The following NSD2 variants were observed in gnomAD, a reference collection of about 807,000 sequenced individuals.
The protein encoded by NSD2 is histone-lysine N-methyltransferase NSD2.
In NSD2, 12 loss-of-function variants were observed where a neutral mutation model predicts 139.0. That is an observed-to-expected ratio of 0.09 (90% confidence interval 0.06 to 0.14). The LOEUF (loss-of-function observed/expected upper bound fraction) is 0.14. NSD2 is among the 10% of genes least tolerant of loss of function. NSD2 has a pLI of 1.00. For synonymous variants in NSD2, 669 were observed against 648.7 expected (o/e 1.03, Z -0.48); for missense variants, 1,155 against 1,745.0 (o/e 0.66, Z 6.02).
At position 1,896,083 on chromosome 4, in the gene NSD2, C is replaced by T. The variant is rs116549916; in HGVS notation, c.-29-4543C>T. ...AGGATGAGTGGTAGAGGCTCTTGGC[C>T]GGGGTCCCACAGTGTAGTAAGTGGC... is the stretch of plus-strand genomic sequence containing the variant. On this transcript the variant is annotated intron_variant, in intron 1 of 21. Coordinates refer to ENST00000508803, the MANE Select transcript of NSD2 (RefSeq NM_001042424.3). 4.8e-3 allele frequency among the ~76,000 whole-genome samples: 727 copies of T among 152,332 alleles called. 4 individuals are homozygous for T. The highest frequency in any genetic ancestry group is 0.016 in the African/African-American group (679 of 41,580).
chr4:1,914,348 A>T (rs1719081050), intron 3 of NSD2, among the ~76,000 whole-genome samples: 1 of 150,944 alleles, frequency 6.6e-6, no homozygotes, highest in African/African-American at 2.4e-5. Context: ...TTTTTTTGAG[A>T]TGGAGCCTTG....
At chr4:1,913,710 C>T (rs1022967759) in intron 3 of NSD2, among the ~76,000 whole-genome samples, 2 of 152,126 alleles carry the variant, frequency 1.3e-5, no homozygotes, top group African/African-American at 4.8e-5. Context: ...CTTACCCTGC[C>T]CCCTTGCCTT....
chr4:1,879,815 C>G (rs1560546000), intron 1 of NSD2, among the ~76,000 whole-genome samples: 1 of 149,502 alleles, frequency 6.7e-6, no homozygotes, highest in Non-Finnish European at 1.5e-5. Flanking sequence ...GACCCTGGGC[C>G]CATGGCACTT....
intron 10 of NSD2, 112 bp downstream of exon 10, chr4:1,951,315 T>C (rs1724202587): frequency 2.1e-6 from 3 of 1,399,184 alleles, no homozygotes; most frequent in South Asian, 1.3e-5. Context: ...TTCCCCAATC[T>C]CACCGTCACT....
In NSD2 at chr4:1,942,756, C is replaced by CTT. The variant is rs1560719160; in HGVS notation, c.1881+2979_1881+2980dup. 9 of 1,084,856 alleles carry CTT rather than the reference C, an allele frequency of 8.3e-6. No individual in the cohort carries two copies. The Admixed American group carries it at 4.3e-4, about 51-fold the overall frequency. The allele number at this position is 1,084,856 out of a possible 1,614,324, so 67.2% of individuals were successfully genotyped here. ...GAGTTGCTTCTCCTCTAGTTTGTAA[C>CTT]TTACTGGACTTTTGTGGAAAATATC... On this transcript the variant is annotated intron_variant, in intron 9 of 21. Transcript: ENST00000508803. This position sits in a 1 kb window ranked among gnomAD's most constrained non-coding sequence, Gnocchi z 4.0.
chr4:1,910,679 C>T (rs1577414364), intron 3 of NSD2, among the ~76,000 whole-genome samples: 1 of 152,148 alleles, frequency 6.6e-6, no homozygotes, highest in Admixed American at 6.5e-5. Flanking sequence ...CTGGCTTTCT[C>T]GTGTCTTGTG....
intron 2 of NSD2, 122 bp from the exon 3 acceptor site, chr4:1,904,094 C>T: frequency 2.7e-6 from 3 of 1,102,854 alleles, no homozygotes; most frequent in Non-Finnish European, 3.9e-6. Flanking sequence ...AGCAAGGGAG[C>T]ACACTCCATT....
At chr4:1,881,164 C>T (rs1261091588) in intron 1 of NSD2, among the ~76,000 whole-genome samples, 1 of 152,006 alleles carries the variant, frequency 6.6e-6, no homozygotes, top group East Asian at 1.9e-4. Context: ...GAGATAGGGT[C>T]CCTCCCGGAC....
In NSD2 at chr4:1,973,692, G is replaced by A. The variant is rs765170518; in HGVS notation, c.3373-1171G>A. Among the ~76,000 whole-genome samples, 48 of 152,274 alleles carry A rather than the reference G, an allele frequency of 3.2e-4. No homozygotes were observed. The highest frequency in any genetic ancestry group is 5.4e-4 in the Non-Finnish European group (37 of 68,044). On this transcript the variant is annotated intron_variant, in intron 18 of 21. Transcript: ENST00000508803. The surrounding 1 kb of genome is among the most constrained non-coding windows in gnomAD (Gnocchi z 5.5). ...CTGGGAGATTGCACCAGGGCTGGGT[G>A]CGTGGGCAGTTGTGTCAGAGGCCGC...
intron 7 of NSD2, among the ~76,000 whole-genome samples, chr4:1,937,408 T>A (rs1722529867): frequency 1.3e-5 from 2 of 152,138 alleles, no homozygotes; most frequent in Non-Finnish European, 2.9e-5. Flanking sequence ...AAACTGGTTG[T>A]TTTGAAATAT....
rs752997781 is a variant in NSD2 at position 1,904,257 on chromosome 4, C to T, written c.639C>T (p.Asp213=). 1 of 1,614,086 alleles carries T rather than the reference C, an allele frequency of 6.2e-7. No homozygotes were observed. The highest frequency in any genetic ancestry group is 8.5e-7 in the Non-Finnish European group (1 of 1,180,000). Residue 213 remains aspartate, a synonymous_variant, in exon 3 of 22, where the codon GAC becomes GAT. Transcript: ENST00000508803. ...KKESCPNTGR[D]KDHLLKYNVG... The stretch of plus-strand genomic sequence containing the variant: ...AGTCTTGTCCAAACACTGGAAGAGA[C>T]AAAGACCACCTGTTGAAATACAACG...
Position 1,981,855 on chromosome 4 carries a change from A to G in NSD2, c.*2946A>G, listed in dbSNP as rs947817099. The G allele has an allele frequency of 5.0e-5, 20 of 398,484 alleles. No individual in the cohort carries two copies. The highest frequency in any genetic ancestry group is 3.9e-4 in the African/African-American group (19 of 48,630). The allele number at this position is 398,484 out of a possible 1,614,324, so 24.7% of individuals were successfully genotyped here. A position where few individuals can be genotyped will look rare whatever the true frequency, so the allele number is the denominator to read the frequency against. On this transcript the variant is annotated 3_prime_UTR_variant, in exon 22 of 22. Coordinates refer to ENST00000508803, the MANE Select transcript of NSD2 (RefSeq NM_001042424.3). Reference sequence around the variant, plus strand: ...TGAGTGTAGTTGATGACTGTTTGTTAGTCAGTAGAGTAAAATGCTGTGTCC... The same window carrying G: ...TGAGTGTAGTTGATGACTGTTTGTTGGTCAGTAGAGTAAAATGCTGTGTCC...
chr4:1,916,973 G>T lies in NSD2; in HGVS notation c.863G>T (p.Gly288Val). 3.1e-6 allele frequency: 5 copies of T among 1,614,102 alleles called. No individual in the cohort carries two copies. In the South Asian group the frequency reaches 5.5e-5, roughly 18 times the overall value. The change falls in exon 4 of 22, where the codon GGA becomes GTA. Residue 288 changes from glycine (G) to valine (V), a missense_variant. Physicochemically the swap from Gly to Val is moderately radical, Grantham distance 109. Around this residue, in one of 8 missense-constraint regions of NSD2, gnomAD observed 420 missense variants for 469.0 expected, o/e 0.90. Coordinates refer to ENST00000508803, the MANE Select transcript of NSD2 (RefSeq NM_001042424.3). ...AGCCTCGTAGCTTTTGAAGGAGAAG[G>T]ACAGTTTGAAAAATTATGCCAGGAA... ...EKSLVAFEGE[G>V]QFEKLCQESA...
At chr4:1,918,018 T>G in intron 4 of NSD2, 123 bp from the exon 5 acceptor site, 2 of 1,200,662 alleles carry the variant, frequency 1.7e-6, no homozygotes, top group African/African-American at 1.5e-5. Flanking sequence ...TGGCCTCAAG[T>G]GATCCATCTG....
In NSD2 at chr4:1,981,558, GAA is replaced by G. The variant is rs1560842639; in HGVS notation, c.*2650_*2651del. The G allele has an allele frequency of 2.8e-4, 91 of 323,226 alleles. No homozygotes were observed. Among genetic ancestry groups the G allele is most frequent in the African/African-American group, 1.8e-3 (86 of 47,634 alleles). 20.0% of individuals were successfully genotyped at this position (323,226 alleles called of 1,614,324 possible). On this transcript the variant is annotated 3_prime_UTR_variant, in exon 22 of 22. Transcript: ENST00000508803. The stretch of plus-strand genomic sequence containing the variant: ...TGTGCGCCCACAGGGGGATGTGTCC[GAA>G]TGGGCAGCTTAAAATGTGGTCACCT...
In NSD2 at chr4:1,918,612, C is replaced by T. The variant is rs1365973299; in HGVS notation, c.1399C>T (p.His467Tyr). Residue 467 changes from histidine (H) to tyrosine (Y), a missense_variant, in exon 5 of 22, where the codon CAC becomes TAC. Around this residue, in one of 8 missense-constraint regions of NSD2, gnomAD observed 420 missense variants for 469.0 expected, o/e 0.90. Coordinates refer to ENST00000508803, the MANE Select transcript of NSD2 (RefSeq NM_001042424.3). ...ASQFLVFCQK[H>Y]RDEVVAEHPD... ...CCAGTTTTTGGTCTTCTGTCAAAAA[C>T]ACAGGGATGAGGTCAGTACTAAGTT... 1 of 1,613,748 alleles carries T rather than the reference C, an allele frequency of 6.2e-7. No homozygotes were observed. The highest frequency in any genetic ancestry group is 8.5e-7 in the Non-Finnish European group (1 of 1,180,020).
At chr4:1,933,575 T>C (rs989353902) in intron 6 of NSD2, among the ~76,000 whole-genome samples, 1 of 151,984 alleles carries the variant, frequency 6.6e-6, no homozygotes, top group African/African-American at 2.4e-5. Flanking sequence ...TTTGTATTTT[T>C]AGTAGAGACG....
intron 1 of NSD2, among the ~76,000 whole-genome samples, chr4:1,885,446 G>T (rs151276826): frequency 4.7e-4 from 71 of 152,252 alleles, no homozygotes; most frequent in Non-Finnish European, 9.0e-4. Flanking sequence ...AGGGGGCCCT[G>T]GTCATTCTTG....
chr4:1,977,428 C>T (rs1727210096), intron 21 of NSD2, among the ~76,000 whole-genome samples: 1 of 152,214 alleles, frequency 6.6e-6, no homozygotes, highest in African/African-American at 2.4e-5. Context: ...CCATGAGGCT[C>T]TTGACTGTGT....
Sources: allele counts gnomAD v4.1 joint callset (sites outside exome capture counted in the v4.1 genomes callset), GRCh38; gene constraint gnomAD v4.1.1; regional missense constraint gnomAD v4.1.1; non-coding constraint Gnocchi (gnomAD v3.1); transcripts MANE v1.5; gene names NCBI Gene and HGNC (gene_info 2026-07-23, HGNC 2026-07-21).